Variants in LARP6 observed in about 807,000 individuals in gnomAD.
LARP6 encodes the protein La ribonucleoprotein 6, translational regulator.
A neutral mutation model predicts 32.8 loss-of-function variants in LARP6; 18 were observed. The ratio of observed to expected loss-of-function variants is 0.55; its 90% CI spans 0.38 to 0.81. The LOEUF (loss-of-function observed/expected upper bound fraction) is 0.81, where lower values mean the gene tolerates loss of function less well. Among genes scored for constraint, LARP6 ranks in the 40% least tolerant of loss-of-function variants. The pLI, the probability that LARP6 is intolerant of heterozygous loss-of-function variation, is 0.00. For synonymous variants in LARP6, 289 were observed against 267.2 expected, an observed-to-expected ratio of 1.08 and a Z score of -0.80; for missense variants, 598 against 663.1, an observed-to-expected ratio of 0.90 and a Z score of 1.08.
Position 70,844,112 on chromosome 15 carries a change from C to T in LARP6, c.201-7607G>A, listed in dbSNP as rs182800920. Among the ~76,000 whole-genome samples the T allele has an allele frequency of 4.5e-4, 68 of 151,434 alleles. 1 individual carries two copies. The highest frequency in any genetic ancestry group is 3.4e-3 in the Middle Eastern group (1 of 292). On this transcript the variant is annotated intron_variant, in intron 1 of 2. Transcript: ENST00000299213. ...GCTGGGACTACAGGCACACACCACCCCACCCAGCTAATTTTTGTATTTTTA... is the reference window on the plus strand; with the variant it reads ...GCTGGGACTACAGGCACACACCACCTCACCCAGCTAATTTTTGTATTTTTA...
At chr15:70,845,827 G>A (rs1245283052) in intron 1 of LARP6, among the ~76,000 whole-genome samples, 2 of 152,268 alleles carry the variant, frequency 1.3e-5, no homozygotes, top group African/African-American at 2.4e-5. Context: ...GGCTTCACAT[G>A]AGGGTGAGCA....
At position 70,832,920 on chromosome 15, in the gene LARP6, G is replaced by T; in HGVS notation, c.608C>A (p.Pro203His). 6.2e-7 allele frequency: 1 copy of T among 1,602,372 alleles called. No individual in the cohort carries two copies. The highest frequency in any genetic ancestry group is 2.2e-5 in the East Asian group (1 of 44,794). Residue 203 changes from proline (P) to histidine (H), a missense_variant, in exon 3 of 3, where the codon CCC becomes CAC. By Grantham distance (77) the Pro-to-His change is moderately conservative (BLOSUM62 -2). This residue lies in a region of LARP6 where 368 missense variants were observed against 397.9 expected (regional missense o/e 0.92). Coordinates refer to ENST00000299213, the MANE Select transcript of LARP6 (RefSeq NM_018357.4). The stretch of plus-strand genomic sequence containing the variant: ...CTCTTGCACCCTTCCATTCTTCTGG[G>T]GGGTGGCCAGAGCCCACAGCTTAGG... ...LSPKLWALATPQKNGRVQEKV... is the reference protein window; with the variant it reads ...LSPKLWALATHQKNGRVQEKV...
At position 70,830,802 on chromosome 15, in the gene LARP6, A is replaced by G. The variant is rs1011317682; in HGVS notation, c.*1250T>C. The G allele has an allele frequency of 7.9e-5, 12 of 152,356 alleles. No individual in the cohort carries two copies. The highest frequency in any genetic ancestry group is 7.8e-4 in the Admixed American group (12 of 15,296). The allele number at this position is 152,356 out of a possible 1,614,324, so 9.4% of individuals were successfully genotyped here. ...TAAGCCAACACTGGAATCTAGGCCA[A>G]TGCTCTTTCTGCTACACCAAGGCAG... is the stretch of plus-strand genomic sequence containing the variant. On this transcript the variant is annotated 3_prime_UTR_variant, in exon 3 of 3. Coordinates refer to ENST00000299213, the MANE Select transcript of LARP6 (RefSeq NM_018357.4).
Position 70,832,613 on chromosome 15 carries a change from AT to A in LARP6, c.914del (p.Asn305IlefsTer12). ...TGCTCGCAGTGGGCTCCTCGTCATG[AT>A]TTTTGTCTTTGGCAGGTTTCTTTTT... is the stretch of plus-strand genomic sequence containing the variant. ...PPKKKPAKDK[N>X]HDEEPTASIH... On this transcript the variant is annotated frameshift_variant, in exon 3 of 3. Coordinates refer to ENST00000299213, the MANE Select transcript of LARP6 (RefSeq NM_018357.4). LOFTEE classifies it high-confidence loss of function. The A allele has an allele frequency of 6.2e-7, 1 of 1,606,490 alleles. No homozygotes were observed. The highest frequency in any genetic ancestry group is 8.5e-7 in the Non-Finnish European group (1 of 1,177,692).
chr15:70,845,967 CTCTT>C (rs2032338296), intron 1 of LARP6, among the ~76,000 whole-genome samples: 2 of 152,248 alleles, frequency 1.3e-5, no homozygotes, highest in Admixed American at 1.3e-4. Flanking sequence ...ATAATCTTGT[CTCTT>C]TTTTTTCCCC....
Position 70,832,238 on chromosome 15 carries a change from G to A in LARP6, c.1290C>T (p.Ser430=). 6.2e-7 allele frequency: 1 copy of A among 1,614,202 alleles called. No individual in the cohort carries two copies. The highest frequency in any genetic ancestry group is 8.5e-7 in the Non-Finnish European group (1 of 1,180,028). Reference sequence around the variant, plus strand: ...CTTGGCGACGCCTCCGGACCCAGGGGCTGCCAGAGGGAGTGACGCTGCTGT... The same window carrying A: ...CTTGGCGACGCCTCCGGACCCAGGGACTGCCAGAGGGAGTGACGCTGCTGT... ...SSDSSVTPSG[S]PWVRRRRQAE... is the part of the protein sequence containing the mutation. The change falls in exon 3 of 3, where the codon AGC becomes AGT. Residue 430 remains serine, a synonymous_variant. Coordinates refer to ENST00000299213, the MANE Select transcript of LARP6 (RefSeq NM_018357.4).
At chr15:70,847,208 A>G (rs1595955404) in intron 1 of LARP6, among the ~76,000 whole-genome samples, 2 of 152,204 alleles carry the variant, frequency 1.3e-5, no homozygotes. Flanking sequence ...GGAGGCTTGA[A>G]AAAGTTTTAC....
chr15:70,845,307 T>G (rs572509249), intron 1 of LARP6, among the ~76,000 whole-genome samples: 4 of 152,324 alleles, frequency 2.6e-5, no homozygotes, highest in Non-Finnish European at 5.9e-5. Context: ...CTCCTGAGGC[T>G]CCTCTTGGCT....
In LARP6 at chr15:70,843,351, A is replaced by G. The variant is rs182632381; in HGVS notation, c.201-6846T>C. 8.7e-4 allele frequency among the ~76,000 whole-genome samples: 132 copies of G among 152,364 alleles called. 1 individual carries two copies. The highest frequency in any genetic ancestry group is 3.4e-3 in the Middle Eastern group (1 of 294). On this transcript the variant is annotated intron_variant, in intron 1 of 2. Coordinates refer to ENST00000299213, the MANE Select transcript of LARP6 (RefSeq NM_018357.4). The stretch of plus-strand genomic sequence containing the variant: ...AAAGTAATAGATAAACATAGCAAAA[A>G]CTAGAATAAAATAGTAGGGAACTTA...
chr15:70,845,835 G>T, intron 1 of LARP6, among the ~76,000 whole-genome samples: 1 of 152,246 alleles, frequency 6.6e-6, no homozygotes, highest in East Asian at 1.9e-4. Context: ...ATGAGGGTGA[G>T]CAGGCAGGGA....
chr15:70,836,278 T>C lies in LARP6; in HGVS notation c.411+17A>G, dbSNP rs903812617. Reference sequence around the variant, plus strand: ...AACTTGAAATCCTTGAAGCAGCTTCTGAGAACCAAGCCTCACCTTTTTGAA... The same window carrying C: ...AACTTGAAATCCTTGAAGCAGCTTCCGAGAACCAAGCCTCACCTTTTTGAA... On this transcript the variant is annotated intron_variant, in intron 2 of 2. Coordinates refer to ENST00000299213, the MANE Select transcript of LARP6 (RefSeq NM_018357.4). The C allele has an allele frequency of 2.5e-6, 4 of 1,610,226 alleles. No individual in the cohort carries two copies. In the African/African-American group the frequency reaches 5.3e-5, roughly 22 times the overall value.
At position 70,833,122 on chromosome 15, in the gene LARP6, G is replaced by T. The variant is rs552352096; in HGVS notation, c.412-6C>A. 9.2e-5 allele frequency: 149 copies of T among 1,611,064 alleles called. No individual in the cohort carries two copies. Among genetic ancestry groups the T allele is most frequent in the Non-Finnish European group, 1.2e-4 (144 of 1,177,370 alleles). ...TCCCGTGTAAGATGTTTCACCTGCA[G>T]AACATAAAGCAAATCTGAAATAGTA... On this transcript the variant is annotated splice_region_variant and splice_polypyrimidine_tract_variant and intron_variant, in intron 2 of 2. Transcript: ENST00000299213.
intron 2 of LARP6, among the ~76,000 whole-genome samples, chr15:70,834,899 G>A (rs1008831014): frequency 6.6e-6 from 1 of 152,194 alleles, no homozygotes; most frequent in African/African-American, 2.4e-5. Flanking sequence ...GAATGAAAAG[G>A]ATCTTTGCTC....
Position 70,832,621 on chromosome 15 carries a change from C to A in LARP6, c.907G>T (p.Asp303Tyr), listed in dbSNP as rs764769356. The A allele has an allele frequency of 1.2e-6, 2 of 1,607,692 alleles. No homozygotes were observed. The highest frequency in any genetic ancestry group is 1.7e-4 in the Middle Eastern group (1 of 6,010). ...MKPPKKKPAK[D>Y]KNHDEEPTAS... ...GTGGGCTCCTCGTCATGATTTTTGT[C>A]TTTGGCAGGTTTCTTTTTGGGTGGC... Residue 303 changes from aspartate (D) to tyrosine (Y), a missense_variant, in exon 3 of 3, where the codon GAC (aspartate) becomes TAC (tyrosine). Physicochemically the swap from Asp to Tyr is radical, Grantham distance 160 (BLOSUM62 -3). This residue lies in a region of LARP6 where 368 missense variants were observed against 397.9 expected (regional missense o/e 0.92). Coordinates refer to ENST00000299213, the MANE Select transcript of LARP6 (RefSeq NM_018357.4).
intron 1 of LARP6, chr15:70,849,024 TA>T (rs1386710800): frequency 6.6e-6 from 1 of 152,160 alleles, no homozygotes; most frequent in Non-Finnish European, 1.5e-5. Context: ...TCCTGTAATG[TA>T]AATTTGAATT....
intron 1 of LARP6, chr15:70,853,508 A>C: frequency 1.2e-5 from 2 of 162,098 alleles, no homozygotes; most frequent in Non-Finnish European, 2.7e-5. Context: ...GAAGGCGGGT[A>C]GGGATGGACT....
At chr15:70,840,397 G>C (rs1014478229) in intron 1 of LARP6, among the ~76,000 whole-genome samples, 3 of 152,220 alleles carry the variant, frequency 2.0e-5, no homozygotes, top group Non-Finnish European at 4.4e-5. Flanking sequence ...AAAATTAGCT[G>C]GGTGTGGTGG....
rs1180251419 is a variant in LARP6, at chr15:70,839,325, A to T, written c.201-2820T>A. Among the ~76,000 whole-genome samples the T allele has an allele frequency of 3.3e-5, 5 of 152,124 alleles. No individual in the cohort carries two copies. In the East Asian group the frequency reaches 9.7e-4, roughly 30 times the overall value. On this transcript the variant is annotated intron_variant, in intron 1 of 2. Transcript: ENST00000299213. ...TGTGGTGGCACATGCCTGTAATCCCAGCTACTTGGAAGGCTGAGGCAGGAG... is the reference window on the plus strand; with the variant it reads ...TGTGGTGGCACATGCCTGTAATCCCTGCTACTTGGAAGGCTGAGGCAGGAG...
chr15:70,838,734 C>T (rs1300908225), intron 1 of LARP6, among the ~76,000 whole-genome samples: 4 of 152,016 alleles, frequency 2.6e-5, no homozygotes, highest in South Asian at 2.1e-4. Context: ...CGCATCATAA[C>T]GGATGCCATT....
Sources: allele counts gnomAD v4.1 joint callset (sites outside exome capture counted in the v4.1 genomes callset), GRCh38; gene constraint gnomAD v4.1.1; regional missense constraint gnomAD v4.1.1; transcripts MANE v1.5; gene names NCBI Gene and HGNC (gene_info 2026-07-23, HGNC 2026-07-21).